The following SORCS2 variants were observed in gnomAD, a reference collection of about 807,000 sequenced individuals.
The protein encoded by SORCS2 is VPS10 domain-containing receptor SorCS2.
SORCS2 carries 100 observed loss-of-function variants against 141.6 expected under a neutral mutation model. The observed-to-expected ratio is 0.71, with a 90% confidence interval of 0.60 to 0.83. The LOEUF is 0.83. SORCS2 is among the 40% of genes least tolerant of loss of function. The pLI is 0.00. For missense variants in SORCS2, 1,646 were observed against 1,560.2 expected, an observed-to-expected ratio of 1.05 and a Z score of -0.93; for synonymous variants, 789 against 676.9, an observed-to-expected ratio of 1.17 and a Z score of -2.57.
chr4:7,381,668 G>C (rs2005355), intron 1 of SORCS2, among the ~76,000 whole-genome samples: 1 of 152,064 alleles, frequency 6.6e-6, no homozygotes, highest in East Asian at 1.9e-4. Flanking sequence ...CAATTTCCCA[G>C]AAGAGCAGGC....
rs574024719 is a variant in SORCS2, at chr4:7,719,118, G to C, written c.2424+935G>C. Among the ~76,000 whole-genome samples, 5 of 152,352 alleles carry C rather than the reference G, an allele frequency of 3.3e-5. No homozygotes were observed. In the East Asian group the frequency reaches 9.6e-4, roughly 29 times the overall value. On this transcript the variant is annotated intron_variant, in intron 18 of 26. Transcript: ENST00000507866. ...AGCTTTCCTGGACACTTGGCTCTCC[G>C]GTGAACAGTACGGGAGATGCAGCTA...
intron 3 of SORCS2, among the ~76,000 whole-genome samples, chr4:7,577,585 G>A (rs369470945): frequency 4.1e-5 from 6 of 147,618 alleles, no homozygotes; most frequent in East Asian, 2.0e-4. Context: ...GCATACAGGC[G>A]AAGTCAGCTA....
intron 14 of SORCS2, among the ~76,000 whole-genome samples, chr4:7,712,215 C>T (rs1164757099): frequency 6.6e-6 from 1 of 152,224 alleles, no homozygotes; most frequent in Non-Finnish European, 1.5e-5. Context: ...TTTGAATCGC[C>T]ACCTCTACTA....
intron 1 of SORCS2, among the ~76,000 whole-genome samples, chr4:7,332,015 G>A (rs935375801): frequency 3.3e-5 from 5 of 152,232 alleles, no homozygotes; most frequent in African/African-American, 1.2e-4. Flanking sequence ...TTCTGGGGGT[G>A]AGATTAGGGG....
chr4:7,282,761 G>C (rs1463342088), intron 1 of SORCS2, among the ~76,000 whole-genome samples: 1 of 152,176 alleles, frequency 6.6e-6, no homozygotes, highest in Non-Finnish European at 1.5e-5. Flanking sequence ...TCACCGCGAG[G>C]CTCAGCCAGC....
intron 6 of SORCS2, among the ~76,000 whole-genome samples, chr4:7,662,814 G>T (rs2108920270): frequency 6.6e-6 from 1 of 152,320 alleles, no homozygotes; most frequent in African/African-American, 2.4e-5. Flanking sequence ...AAATTGGCAA[G>T]CACTATCATC....
At chr4:7,227,432 C>T (rs928282941) in intron 1 of SORCS2, among the ~76,000 whole-genome samples, 1 of 152,220 alleles carries the variant, frequency 6.6e-6, no homozygotes, top group African/African-American at 2.4e-5. Context: ...GCGCCTGCTC[C>T]AGAGCAGACG....
chr4:7,692,859 G>C (rs1299531280), intron 11 of SORCS2, among the ~76,000 whole-genome samples: 1 of 152,186 alleles, frequency 6.6e-6, no homozygotes, highest in Non-Finnish European at 1.5e-5. Context: ...TCTCGAGCTC[G>C]AGGAGATGCA....
At chr4:7,220,724 G>C (rs1378498686) in intron 1 of SORCS2, among the ~76,000 whole-genome samples, 1 of 152,104 alleles carries the variant, frequency 6.6e-6, no homozygotes, top group Non-Finnish European at 1.5e-5. Flanking sequence ...GCACGCTGTG[G>C]GGTGGCCTCT....
At chr4:7,462,895 A>G (rs1254767087) in intron 2 of SORCS2, among the ~76,000 whole-genome samples, 1 of 151,022 alleles carries the variant, frequency 6.6e-6, no homozygotes, top group African/African-American at 2.4e-5. Context: ...CCAAAAAACA[A>G]ATAAAGAAAT....
chr4:7,704,219 C>T lies in SORCS2; in HGVS notation c.1803C>T (p.Phe601=), dbSNP rs1364467875. 4 of 1,613,136 alleles carry T rather than the reference C, an allele frequency of 2.5e-6. No homozygotes were observed. The highest frequency in any genetic ancestry group is 1.1e-5 in the South Asian group (1 of 90,758). The change falls in exon 14 of 27, where the codon TTC becomes TTT. Residue 601 remains phenylalanine, a synonymous_variant. Transcript: ENST00000507866. ...GCCTCACCTGGAGCACGCACAACTTCACCAGCACCTCGGTGTTTGTGGACG... is the reference window on the plus strand; with the variant it reads ...GCCTCACCTGGAGCACGCACAACTTTACCAGCACCTCGGTGTTTGTGGACG... The part of the protein sequence containing the change: ...DEGLTWSTHN[F]TSTSVFVDGL...
intron 2 of SORCS2, among the ~76,000 whole-genome samples, chr4:7,511,021 G>C (rs1027549167): frequency 6.6e-6 from 1 of 152,196 alleles, no homozygotes; most frequent in Non-Finnish European, 1.5e-5. Context: ...GCCACATATG[G>C]TCCCCAGACC....
At chr4:7,222,931 A>G (rs1451769816) in intron 1 of SORCS2, among the ~76,000 whole-genome samples, 1 of 152,050 alleles carries the variant, frequency 6.6e-6, no homozygotes, top group African/African-American at 2.4e-5. Context: ...ACTCAAGAAC[A>G]CGCAAAGACT....
chr4:7,386,679 A>C (rs1723361774), intron 1 of SORCS2, among the ~76,000 whole-genome samples: 1 of 151,576 alleles, frequency 6.6e-6, no homozygotes, highest in African/African-American at 2.4e-5. Context: ...ACATAGGTAC[A>C]TGCATGCACA....
At chr4:7,722,616 TAC>T (rs1370084753) in intron 18 of SORCS2, among the ~76,000 whole-genome samples, 1 of 152,096 alleles carries the variant, frequency 6.6e-6, no homozygotes, top group Non-Finnish European at 1.5e-5. Context: ...TCCTTTCTCT[TAC>T]ACAGATGCCT....
At chr4:7,661,339 G>C (rs1560464252) in intron 5 of SORCS2, among the ~76,000 whole-genome samples, 161 bp from the exon 6 acceptor site, 2 of 152,002 alleles carry the variant, frequency 1.3e-5, no homozygotes, top group African/African-American at 4.8e-5. Flanking sequence ...AAGCACCTCA[G>C]GAGCAGGTGG....
intron 3 of SORCS2, among the ~76,000 whole-genome samples, chr4:7,570,629 A>T (rs1486326562): frequency 1.3e-5 from 2 of 152,336 alleles, no homozygotes; most frequent in Non-Finnish European, 1.5e-5. Context: ...CCAGGGTTGA[A>T]GTGAGAGTGC....
At chr4:7,580,999 A>G (rs925892920) in intron 3 of SORCS2, among the ~76,000 whole-genome samples, 36 of 152,194 alleles carry the variant, frequency 2.4e-4, no homozygotes, top group Non-Finnish European at 5.9e-5. Context: ...CAACAATCTT[A>G]TAAGGAAGAC....
intron 3 of SORCS2, among the ~76,000 whole-genome samples, chr4:7,566,244 G>T (rs1045797680): frequency 2.0e-5 from 3 of 149,952 alleles, no homozygotes; most frequent in African/African-American, 7.5e-5. Context: ...TGTGTTAATG[G>T]TGATGGTGAT....
Sources: gnomAD v4.1 joint callset for allele counts (sites outside exome capture counted in the v4.1 genomes callset) on GRCh38, gnomAD v4.1.1 for gene constraint, MANE v1.5 for transcripts, NCBI Gene and HGNC (gene_info 2026-07-23, HGNC 2026-07-21) for gene names.